Variants in DPP6 observed in about 807,000 individuals in gnomAD.
The protein encoded by DPP6 is dipeptidyl peptidase like 6, also known as A-type potassium channel modulatory protein DPP6.
In DPP6, 69 loss-of-function variants were observed where a neutral mutation model predicts 122.6. The ratio of observed to expected loss-of-function variants is 0.56; its 90% CI spans 0.46 to 0.69. The LOEUF (loss-of-function observed/expected upper bound fraction) is 0.69. Ranked by LOEUF, DPP6 falls within the 30% of genes least tolerant of loss-of-function variation. DPP6 has a pLI of 0.00. For missense variants in DPP6, 928 were observed against 1,116.9 expected (o/e 0.83, Z 2.41); for synonymous variants, 418 against 433.1 (o/e 0.97, Z 0.43).
chr7:154,407,384 A>G (rs1027036793), intron 1 of DPP6, among the ~76,000 whole-genome samples: 3 of 152,192 alleles, frequency 2.0e-5, no homozygotes, highest in African/African-American at 7.2e-5. Context: ...AAGTTTTGAG[A>G]GGAAGAACTA....
At chr7:153,996,284 A>G (rs1046227165) in intron 1 of DPP6, among the ~76,000 whole-genome samples, 10 of 152,342 alleles carry the variant, frequency 6.6e-5, no homozygotes, top group Non-Finnish European at 4.4e-5. Flanking sequence ...ATGAAATAAA[A>G]GTGTTCTGTA....
At chr7:154,367,140 T>C (rs17174375) in intron 1 of DPP6, among the ~76,000 whole-genome samples, 11,654 of 152,198 alleles carry the variant, frequency 0.077, 1,068 homozygotes, top group African/African-American at 0.22. Flanking sequence ...TGTTTCCAAA[T>C]AATGGGGCGC....
the DPP6 span, among the ~76,000 whole-genome samples, chr7:153,856,491 ATAT>A: frequency 1.9e-3 from 296 of 152,312 alleles, no homozygotes; most frequent in African/African-American, 6.2e-3. Context: ...TTAATTCATA[ATAT>A]TATGTACAAA....
chr7:153,761,782 T>C, the DPP6 span, among the ~76,000 whole-genome samples: 1 of 152,230 alleles, frequency 6.6e-6, no homozygotes, highest in South Asian at 2.1e-4. Flanking sequence ...CCGAATACTA[T>C]TTCTATACTT....
intron 8 of DPP6, among the ~76,000 whole-genome samples, chr7:154,743,529 A>G (rs1286450065): frequency 2.6e-5 from 4 of 152,144 alleles, no homozygotes; most frequent in African/African-American, 9.7e-5. Flanking sequence ...AGAAGGCTGA[A>G]TTTTCGTTAA....
intron 4 of DPP6, among the ~76,000 whole-genome samples, chr7:154,544,628 G>C (rs1365348959): frequency 6.6e-6 from 1 of 152,178 alleles, no homozygotes; most frequent in Admixed American, 6.5e-5. Flanking sequence ...TTGAGCTTCA[G>C]GTCTACCTTC....
At chr7:154,775,432 C>G (rs1270612090) in intron 10 of DPP6, among the ~76,000 whole-genome samples, 1 of 152,068 alleles carries the variant, frequency 6.6e-6, no homozygotes, top group Non-Finnish European at 1.5e-5. Flanking sequence ...ACTCTAGGTT[C>G]AAAAAGCCAA....
chr7:154,085,645 A>G lies in DPP6; in HGVS notation c.243+32582A>G, dbSNP rs1242412381. On this transcript the variant is annotated intron_variant, in intron 1 of 25. Transcript: ENST00000377770. ...GAAACTGACCCTGAAATTATGTCAT[A>G]AAAAACTGAGAGTTAAAAAAGAAGC... Among the ~76,000 whole-genome samples the G allele has an allele frequency of 2.6e-5, 4 of 152,188 alleles. No homozygotes were observed. The East Asian group carries it at 7.7e-4, about 29-fold the overall frequency.
At chr7:153,990,819 G>A (rs1373239496) in intron 1 of DPP6, among the ~76,000 whole-genome samples, 1 of 152,202 alleles carries the variant, frequency 6.6e-6, no homozygotes, top group Non-Finnish European at 1.5e-5. Context: ...GAGGACGAAG[G>A]AGTGACGTCC....
chr7:154,058,693 G>A (rs578078899), intron 1 of DPP6: 15 of 150,212 alleles, frequency 1.0e-4, no homozygotes, highest in African/African-American at 3.7e-4. Context: ...TGTCCAAGTA[G>A]AAAGTTCAAA....
chr7:154,094,248 C>T (rs1441558214), intron 1 of DPP6: 1 of 152,146 alleles, frequency 6.6e-6, no homozygotes, highest in African/African-American at 2.4e-5. Flanking sequence ...AATTCATAAA[C>T]ATTGATTGAA....
the DPP6 span, among the ~76,000 whole-genome samples, chr7:153,817,514 A>G: frequency 6.6e-6 from 1 of 151,742 alleles, no homozygotes; most frequent in Admixed American, 6.6e-5. Flanking sequence ...AACTGCACAC[A>G]GAAAAGATAA....
intron 1 of DPP6, among the ~76,000 whole-genome samples, chr7:154,204,745 G>A (rs1342484565): frequency 1.3e-5 from 2 of 151,976 alleles, no homozygotes; most frequent in African/African-American, 2.4e-5. Context: ...TTTGGAAGCA[G>A]CAATAACCTA....
At chr7:153,935,312 G>A (rs945497266) in intron 1 of DPP6, among the ~76,000 whole-genome samples, 2 of 152,064 alleles carry the variant, frequency 1.3e-5, no homozygotes, top group African/African-American at 2.4e-5. Context: ...GAGGGATGCC[G>A]GTCACCACAC....
At chr7:153,788,832 G>A in the DPP6 span, among the ~76,000 whole-genome samples, 1 of 152,114 alleles carries the variant, frequency 6.6e-6, no homozygotes. Context: ...AGGCATGGTG[G>A]TAGATGCCTG....
At chr7:154,746,544 T>A (rs1843045224) in intron 8 of DPP6, among the ~76,000 whole-genome samples, 1 of 152,212 alleles carries the variant, frequency 6.6e-6, no homozygotes, top group South Asian at 2.1e-4. Context: ...TCTAGAAATT[T>A]CTATCTGGGA....
chr7:154,874,858 G>T (rs1804715712), intron 19 of DPP6, among the ~76,000 whole-genome samples: 2 of 152,216 alleles, frequency 1.3e-5, no homozygotes, highest in African/African-American at 4.8e-5. Flanking sequence ...GGTCAATGAG[G>T]AACAACCAGT....
chr7:153,958,423 C>T (rs1456860379), intron 1 of DPP6, among the ~76,000 whole-genome samples: 3 of 152,144 alleles, frequency 2.0e-5, no homozygotes, highest in Non-Finnish European at 2.9e-5. Context: ...GCATCCTATT[C>T]TCTTGGGCAG....
chr7:153,908,681 G>A (rs1457329426), intron 1 of DPP6, among the ~76,000 whole-genome samples: 1 of 152,144 alleles, frequency 6.6e-6, no homozygotes, highest in Non-Finnish European at 1.5e-5. Flanking sequence ...TATGAACACT[G>A]TCATAAAATG....
Sources: allele counts gnomAD v4.1 joint callset (sites outside exome capture counted in the v4.1 genomes callset), GRCh38; gene constraint gnomAD v4.1.1; transcripts MANE v1.5; gene names NCBI Gene and HGNC (gene_info 2026-07-23, HGNC 2026-07-21).